Variants in HDAC9 observed in about 807,000 individuals in gnomAD.
HDAC9 encodes the protein histone deacetylase 9, also known as MEF-2 interacting transcription repressor (MITR) protein.
In HDAC9, 41 loss-of-function variants were observed where a neutral mutation model predicts 139.4. The ratio of observed to expected loss-of-function variants is 0.29; its 90% confidence interval spans 0.23 to 0.38. The LOEUF (loss-of-function observed/expected upper bound fraction) is 0.38. Ranked by LOEUF, HDAC9 falls within the 10% of genes least tolerant of loss-of-function variation. The pLI, the probability that HDAC9 is intolerant of heterozygous loss-of-function variation, is 1.00. For missense variants in HDAC9, 1,147 were observed against 1,297.0 expected, an observed-to-expected ratio of 0.88 and a Z score of 1.78; for synonymous variants, 517 against 476.2, an observed-to-expected ratio of 1.09 and a Z score of -1.12.
intron 1 of HDAC9, among the ~76,000 whole-genome samples, chr7:18,306,456 A>G (rs141291322): frequency 0.019 from 2,867 of 152,298 alleles, 43 homozygotes; most frequent in Middle Eastern, 0.054. Context: ...TGCTCCAGAA[A>G]TATGTTTACA....
chr7:18,479,984 CT>C (rs753734278), intron 1 of HDAC9, among the ~76,000 whole-genome samples: 3,411 of 116,096 alleles, frequency 0.029, 50 homozygotes, highest in Middle Eastern at 0.063. Flanking sequence ...TCCACTCTGT[CT>C]TTTTTTTTTT....
intron 2 of HDAC9, among the ~76,000 whole-genome samples, chr7:18,546,928 A>C (rs577296241): frequency 2.8e-4 from 43 of 152,324 alleles, no homozygotes; most frequent in African/African-American, 7.9e-4. Flanking sequence ...TTTCTGTAAT[A>C]GTTATAACTT....
chr7:18,988,925 C>T (rs935169790), intron 25 of HDAC9, among the ~76,000 whole-genome samples: 2 of 133,592 alleles, frequency 1.5e-5, no homozygotes, highest in African/African-American at 5.7e-5. Context: ...GGTAGATCTT[C>T]CTCCATCCTT....
intron 17 of HDAC9, among the ~76,000 whole-genome samples, chr7:18,813,181 T>C (rs1427097215): frequency 6.6e-6 from 1 of 152,168 alleles, no homozygotes; most frequent in Non-Finnish European, 1.5e-5. Context: ...TTCTGCTTCT[T>C]TGCCTGTCTT....
chr7:18,328,426 C>T (rs933247285), intron 1 of HDAC9, among the ~76,000 whole-genome samples: 1 of 151,732 alleles, frequency 6.6e-6, no homozygotes, highest in Non-Finnish European at 1.5e-5. Flanking sequence ...TAGTGTATAA[C>T]CAAAATGCAA....
At chr7:18,358,793 T>G (rs1317019237) in intron 1 of HDAC9, among the ~76,000 whole-genome samples, 1 of 152,214 alleles carries the variant, frequency 6.6e-6, no homozygotes. Context: ...TAGCTATAAC[T>G]TTAGACACCT....
intron 13 of HDAC9, among the ~76,000 whole-genome samples, chr7:18,733,499 C>A (rs1476825460): frequency 1.3e-5 from 2 of 151,332 alleles, no homozygotes; most frequent in African/African-American, 4.8e-5. Flanking sequence ...AAAACTCTTC[C>A]AAAATTTACT....
intron 17 of HDAC9, among the ~76,000 whole-genome samples, chr7:18,817,825 G>T (rs959716334): frequency 3.3e-5 from 5 of 152,038 alleles, no homozygotes; most frequent in African/African-American, 1.2e-4. Context: ...TTTTTTAAAA[G>T]ACCCAAATTG....
Position 18,995,365 on chromosome 7 carries a change from G to C in HDAC9, c.3171-658G>C, listed in dbSNP as rs1053705649. The stretch of plus-strand genomic sequence containing the variant: ...CTAAAAGTTTGCCTTAAAGCACCCT[G>C]AAAGGGTTACTAAATTAAGGTTAAA... On this transcript the variant is annotated intron_variant, in intron 25 of 25. Coordinates refer to ENST00000686413, the MANE Select transcript of HDAC9 (RefSeq NM_178425.4). Among the ~76,000 whole-genome samples, 7 of 152,204 alleles carry C rather than the reference G, an allele frequency of 4.6e-5. 1 individual carries two copies. Among genetic ancestry groups the C allele is most frequent in the African/African-American group, 1.7e-4 (7 of 41,454 alleles).
At chr7:18,502,028 C>G (rs1049780042) in intron 2 of HDAC9, among the ~76,000 whole-genome samples, 2 of 152,160 alleles carry the variant, frequency 1.3e-5, no homozygotes, top group African/African-American at 4.8e-5. Flanking sequence ...CTCTGCTGGT[C>G]TTAGCCTTGG....
intron 2 of HDAC9, among the ~76,000 whole-genome samples, chr7:18,204,772 T>G (rs1456370483): frequency 6.6e-6 from 1 of 152,042 alleles, no homozygotes; most frequent in African/African-American, 2.4e-5. Context: ...GTTTATCCCC[T>G]GTATGTAACA....
chr7:18,816,433 A>G (rs1387910841), intron 17 of HDAC9, among the ~76,000 whole-genome samples: 2 of 152,240 alleles, frequency 1.3e-5, no homozygotes, highest in Non-Finnish European at 2.9e-5. Flanking sequence ...GTGAGCTAGT[A>G]TAGGCATATT....
intron 1 of HDAC9, among the ~76,000 whole-genome samples, chr7:18,333,009 C>T (rs1046537831): frequency 2.6e-5 from 4 of 151,474 alleles, no homozygotes; most frequent in African/African-American, 9.7e-5. Flanking sequence ...TATGTCATGC[C>T]AAATATAGTT....
rs540839888 is a variant in HDAC9, at chr7:18,399,967, C to A, written c.-41-96295C>A. The stretch of plus-strand genomic sequence containing the variant: ...TAGGAGGTCACAGAACCCTTCTTTA[C>A]TGTCCTTGTGTCAGGGTACCTAGGG... On this transcript the variant is annotated intron_variant, in intron 1 of 3. Transcript: ENST00000413509. Among the ~76,000 whole-genome samples the A allele has an allele frequency of 3.3e-5, 5 of 152,360 alleles. No homozygotes were observed. The East Asian group carries it at 9.6e-4, about 29-fold the overall frequency.
chr7:18,238,270 C>G (rs1793956889), intron 2 of HDAC9, among the ~76,000 whole-genome samples: 1 of 152,152 alleles, frequency 6.6e-6, no homozygotes, highest in South Asian at 2.1e-4. Context: ...GACCAAAACC[C>G]TTTGGGACAG....
At chr7:18,187,573 C>G (rs1790012418) in intron 2 of HDAC9, among the ~76,000 whole-genome samples, 1 of 152,156 alleles carries the variant, frequency 6.6e-6, no homozygotes. Context: ...CAAATCTGTT[C>G]CAATCTTGAC....
At chr7:18,916,454 T>G (rs1400675857) in intron 22 of HDAC9, among the ~76,000 whole-genome samples, 1 of 152,032 alleles carries the variant, frequency 6.6e-6, no homozygotes, top group Non-Finnish European at 1.5e-5. Context: ...TGTAAAATTT[T>G]GATGAATTCT....
At chr7:18,110,755 G>A (rs761691184) in intron 1 of HDAC9, among the ~76,000 whole-genome samples, 1 of 152,216 alleles carries the variant, frequency 6.6e-6, no homozygotes, top group Non-Finnish European at 1.5e-5. Flanking sequence ...AAAGACGGGG[G>A]CCAGGAGCTT....
At position 18,997,295 on chromosome 7, in the gene HDAC9, T is replaced by C. The variant is rs1786521330; in HGVS notation, c.*1233T>C. The C allele has an allele frequency of 1.2e-5, 1 of 81,424 alleles. No homozygotes were observed. Among genetic ancestry groups the C allele is most frequent in the South Asian group, 2.8e-4 (1 of 3,582 alleles). The allele number at this position is 81,424 out of a possible 1,614,324, so 5.0% of individuals were successfully genotyped here. On this transcript the variant is annotated 3_prime_UTR_variant, in exon 26 of 26. Transcript: ENST00000686413. Reference sequence around the variant, plus strand: ...GACTTAACCTAGAAGCTGTGCCTTCTTGTGAAAAAAAAAAAAAACAAAAAC... The same window carrying C: ...GACTTAACCTAGAAGCTGTGCCTTCCTGTGAAAAAAAAAAAAAACAAAAAC...
Sources: allele counts gnomAD v4.1 joint callset (sites outside exome capture counted in the v4.1 genomes callset), GRCh38; gene constraint gnomAD v4.1.1; transcripts MANE v1.5; gene names NCBI Gene and HGNC (gene_info 2026-07-23, HGNC 2026-07-21).